The following NRG3 variants were observed in gnomAD, a reference collection of about 807,000 sequenced individuals.
NRG3 encodes neuregulin 3, also known as pro-neuregulin-3, membrane-bound isoform.
Under a neutral mutation model 66.9 loss-of-function variants are expected in NRG3, and 31 were observed. The observed-to-expected ratio is 0.46, with a 90% CI of 0.35 to 0.63. NRG3 has a LOEUF of 0.63. NRG3 is among the 20% of genes least tolerant of loss of function. NRG3 has a pLI of 0.00. For synonymous variants in NRG3, 393 were observed against 359.4 expected (o/e 1.09, Z -1.06); for missense variants, 910 against 878.9 (o/e 1.04, Z -0.45).
At position 82,298,235 on chromosome 10, in the gene NRG3, GAGGA is replaced by G. The variant is rs201454008; in HGVS notation, c.824-60497_824-60494del. Among the ~76,000 whole-genome samples, 664 of 140,790 alleles carry G rather than the reference GAGGA, an allele frequency of 4.7e-3. 3 individuals are homozygous for G. The highest frequency in any genetic ancestry group is 0.016 in the African/African-American group (633 of 39,640). 92.4% of individuals were successfully genotyped at this position (140,790 alleles called of 152,430 possible). A position where few individuals can be genotyped will look rare whatever the true frequency, so the allele number is the denominator to read the frequency against. ...GAAGGAAAGAAGGGAGGGAGGGAGG[GAGGA>G]AGGAAGAGATGGAGGGAGGGAGGGA... On this transcript the variant is annotated intron_variant, in intron 1 of 8. Coordinates refer to ENST00000372141, the MANE Select transcript of NRG3 (RefSeq NM_001010848.4).
intron 2 of NRG3, among the ~76,000 whole-genome samples, chr10:82,533,720 A>G (rs1847530480): frequency 6.6e-6 from 1 of 151,832 alleles, no homozygotes; most frequent in Admixed American, 6.6e-5. Flanking sequence ...CTATACAACA[A>G]AGAGGAGAAG....
At chr10:82,204,109 A>G (rs2074992953) in intron 1 of NRG3, among the ~76,000 whole-genome samples, 1 of 152,160 alleles carries the variant, frequency 6.6e-6, no homozygotes, top group Non-Finnish European at 1.5e-5. Flanking sequence ...TTTAATTCTG[A>G]GTACAGTGGT....
chr10:82,571,578 C>T (rs1054125029), intron 2 of NRG3, among the ~76,000 whole-genome samples: 67 of 151,534 alleles, frequency 4.4e-4, no homozygotes, highest in African/African-American at 1.5e-3. Flanking sequence ...AAAAGAATAG[C>T]GAGATACTTC....
At chr10:82,334,550 C>A (rs2082294636) in intron 1 of NRG3, among the ~76,000 whole-genome samples, 1 of 152,128 alleles carries the variant, frequency 6.6e-6, no homozygotes, top group Non-Finnish European at 1.5e-5. Context: ...AAATTATGGG[C>A]ATTTAGTGAG....
At chr10:81,951,517 C>T (rs1377627212) in intron 1 of NRG3, among the ~76,000 whole-genome samples, 1 of 152,094 alleles carries the variant, frequency 6.6e-6, no homozygotes, top group East Asian at 1.9e-4. Flanking sequence ...TGGCCAACAC[C>T]CCCACAGACA....
intron 1 of NRG3, among the ~76,000 whole-genome samples, chr10:81,945,266 C>A (rs535579702): frequency 6.6e-6 from 1 of 151,850 alleles, no homozygotes; most frequent in South Asian, 2.1e-4. Context: ...ATTCTCCTCA[C>A]TCCCCTTCCT....
chr10:82,271,726 T>G (rs77150434), intron 1 of NRG3, among the ~76,000 whole-genome samples: 4,981 of 152,178 alleles, frequency 0.033, 127 homozygotes, highest in Middle Eastern at 0.075. Flanking sequence ...CTGTCATATT[T>G]AATGCATTCA....
intron 1 of NRG3, among the ~76,000 whole-genome samples, chr10:81,959,159 C>T (rs774188108): frequency 1.3e-5 from 2 of 152,152 alleles, no homozygotes; most frequent in Non-Finnish European, 2.9e-5. Flanking sequence ...GAATGTTGCA[C>T]AGTCACTGAT....
chr10:82,187,505 T>G (rs934973182), intron 1 of NRG3, among the ~76,000 whole-genome samples: 4 of 152,176 alleles, frequency 2.6e-5, no homozygotes, highest in African/African-American at 9.6e-5. Context: ...AGCAAAAGTT[T>G]TCATTATTTG....
chr10:82,804,048 A>T (rs954857047), intron 3 of NRG3, among the ~76,000 whole-genome samples: 18 of 152,126 alleles, frequency 1.2e-4, no homozygotes, highest in African/African-American at 4.3e-4. Context: ...CCCACCAGTC[A>T]CTTAGTAGCT....
intron 2 of NRG3, among the ~76,000 whole-genome samples, chr10:82,434,798 C>G (rs1243256880): frequency 6.6e-6 from 1 of 152,154 alleles, no homozygotes; most frequent in Non-Finnish European, 1.5e-5. Context: ...GTGAAGCTGA[C>G]TTGATCGTGG....
At chr10:82,501,952 G>A (rs1844229846) in intron 2 of NRG3, among the ~76,000 whole-genome samples, 1 of 152,100 alleles carries the variant, frequency 6.6e-6, no homozygotes, top group South Asian at 2.1e-4. Context: ...CCCAAACACT[G>A]CCTGGCACAT....
At chr10:82,881,159 G>T (rs1442471238) in intron 4 of NRG3, among the ~76,000 whole-genome samples, 1 of 152,212 alleles carries the variant, frequency 6.6e-6, no homozygotes, top group Non-Finnish European at 1.5e-5. Context: ...CAACCTGCAA[G>T]CTCATTGGTT....
At chr10:82,610,788 T>TTC (rs2048265655) in intron 2 of NRG3, among the ~76,000 whole-genome samples, 3 of 152,320 alleles carry the variant, frequency 2.0e-5, no homozygotes, top group African/African-American at 7.2e-5. Context: ...GATCTGAATG[T>TTC]CATTCAGGGT....
chr10:82,028,275 GA>G (rs906498521), intron 1 of NRG3, among the ~76,000 whole-genome samples: 9 of 151,922 alleles, frequency 5.9e-5, no homozygotes, highest in Non-Finnish European at 1.0e-4. Flanking sequence ...GTCATAGGAG[GA>G]AAAAACAAAA....
At chr10:82,736,228 A>G (rs1292704372) in intron 2 of NRG3, among the ~76,000 whole-genome samples, 1 of 152,228 alleles carries the variant, frequency 6.6e-6, no homozygotes, top group Non-Finnish European at 1.5e-5. Flanking sequence ...AGTTCTGCCA[A>G]CTTCAATCTA....
intron 1 of NRG3, among the ~76,000 whole-genome samples, chr10:82,085,783 C>G (rs8181329): frequency 0.25 from 38,518 of 151,870 alleles, 5,327 homozygotes; most frequent in African/African-American, 0.36. Context: ...ATTACAGGTG[C>G]CTGCCATCAG....
At chr10:81,963,813 A>G (rs1739692717) in intron 1 of NRG3, among the ~76,000 whole-genome samples, 9 of 152,174 alleles carry the variant, frequency 5.9e-5, no homozygotes, top group Admixed American at 5.9e-4. Flanking sequence ...GAAGGAAGGA[A>G]TGTTTTCATT....
At chr10:82,417,660 C>T (rs1021141106) in intron 2 of NRG3, among the ~76,000 whole-genome samples, 6 of 152,236 alleles carry the variant, frequency 3.9e-5, no homozygotes, top group South Asian at 2.1e-4. Context: ...AACTGAGGCA[C>T]GGGGCGGTGA....
Sources: gnomAD v4.1 joint callset for allele counts (sites outside exome capture counted in the v4.1 genomes callset) on GRCh38, gnomAD v4.1.1 for gene constraint, MANE v1.5 for transcripts, NCBI Gene and HGNC (gene_info 2026-07-23, HGNC 2026-07-21) for gene names.